The following WDTC1 variants were observed in gnomAD, a reference collection of about 807,000 sequenced individuals.
The protein encoded by WDTC1 is WD and tetratricopeptide repeats 1.
In WDTC1, 12 loss-of-function variants were observed where a neutral mutation model predicts 76.0. The ratio of observed to expected loss-of-function variants is 0.16; its 90% CI spans 0.10 to 0.26. The LOEUF (loss-of-function observed/expected upper bound fraction) is 0.26. Ranked by LOEUF, WDTC1 falls within the 10% of genes least tolerant of loss-of-function variation. WDTC1 has a pLI of 1.00. For synonymous variants in WDTC1, 326 were observed against 350.8 expected, an observed-to-expected ratio of 0.93 and a Z score of 0.79; for missense variants, 511 against 908.8, an observed-to-expected ratio of 0.56 and a Z score of 5.63.
chr1:27,305,996 C>T lies in WDTC1; in HGVS notation c.1837-190C>T, dbSNP rs2013944708. Among the ~76,000 whole-genome samples, 1 of 152,062 alleles carries T rather than the reference C, an allele frequency of 6.6e-6. No individual in the cohort carries two copies. The highest frequency in any genetic ancestry group is 6.6e-5 in the Admixed American group (1 of 15,266). Reference sequence around the variant, plus strand: ...GGCGTATCTCCCATATATATTCCAGCGTGAGCACCCCCAACAATATGTAGC... The same window carrying T: ...GGCGTATCTCCCATATATATTCCAGTGTGAGCACCCCCAACAATATGTAGC... On this transcript the variant is annotated intron_variant, in intron 15 of 15. Transcript: ENST00000319394. The surrounding 1 kb of genome is among the most constrained non-coding windows in gnomAD (Gnocchi z 4.6).
At chr1:27,275,703 C>G (rs551977588) in intron 3 of WDTC1, among the ~76,000 whole-genome samples, 6 of 152,094 alleles carry the variant, frequency 3.9e-5, no homozygotes, top group African/African-American at 1.4e-4. Flanking sequence ...TCCTTTAAAT[C>G]CAGATCAGCA....
At chr1:27,267,569 A>G (rs1029870237) in intron 3 of WDTC1, among the ~76,000 whole-genome samples, 27 of 152,108 alleles carry the variant, frequency 1.8e-4, no homozygotes, top group African/African-American at 6.5e-4. Flanking sequence ...TATTTTTCCC[A>G]GCTATGTAAT....
rs1241642947 is a variant in WDTC1, at chr1:27,292,360, G to A, written c.625G>A (p.Val209Met). Residue 209 changes from valine to methionine, a missense_variant, in exon 7 of 16, where the codon GTG becomes ATG. By Grantham distance (21) the Val-to-Met change is conservative. Coordinates refer to ENST00000319394, the MANE Select transcript of WDTC1 (RefSeq NM_001276252.2). ...CLAVGASGPF[V>M]RLYDIRMIHN... Reference sequence around the variant, plus strand: ...GGCAGTTGGGGCCAGCGGGCCCTTCGTGAGGCTCTATGACATCCGCATGAT... The same window carrying A: ...GGCAGTTGGGGCCAGCGGGCCCTTCATGAGGCTCTATGACATCCGCATGAT... 2 of 1,611,066 alleles carry A rather than the reference G, an allele frequency of 1.2e-6. No homozygotes were observed. Among genetic ancestry groups the A allele is most frequent in the African/African-American group, 1.3e-5 (1 of 74,798 alleles).
intron 1 of WDTC1, among the ~76,000 whole-genome samples, chr1:27,254,605 G>T (rs1272638931): frequency 6.6e-6 from 1 of 151,640 alleles, no homozygotes; most frequent in Non-Finnish European, 1.5e-5. Flanking sequence ...AAAAAAAAAA[G>T]AATGCTAAGT....
Position 27,303,554 on chromosome 1 carries a change from G to A in WDTC1, c.1469-67G>A, listed in dbSNP as rs1208028614. On this transcript the variant is annotated intron_variant, in intron 13 of 15. Coordinates refer to ENST00000319394, the MANE Select transcript of WDTC1 (RefSeq NM_001276252.2). The surrounding 1 kb of genome is among the most constrained non-coding windows in gnomAD (Gnocchi z 4.8). ...ACTTTGGACTGAAAACAGAGCCATA[G>A]GTGGGGGAAAATAGGGAAGGAGAGA... 6.6e-7 allele frequency: 1 copy of A among 1,515,002 alleles called. No individual in the cohort carries two copies. Among genetic ancestry groups the A allele is most frequent in the Non-Finnish European group, 8.8e-7 (1 of 1,137,154 alleles). 93.8% of individuals were successfully genotyped at this position (1,515,002 alleles called of 1,614,324 possible).
intron 12 of WDTC1, among the ~76,000 whole-genome samples, chr1:27,299,833 C>T (rs765781560): frequency 1.3e-5 from 2 of 152,066 alleles, no homozygotes; most frequent in African/African-American, 2.4e-5. Context: ...CTGCTCTCTA[C>T]CCCCATCCCC....
chr1:27,288,579 C>T (rs1025296834), intron 6 of WDTC1, among the ~76,000 whole-genome samples: 1 of 151,730 alleles, frequency 6.6e-6, no homozygotes, highest in Non-Finnish European at 1.5e-5. Flanking sequence ...CTTCAAGCAT[C>T]TGTTTAACAA....
At position 27,283,360 on chromosome 1, in the gene WDTC1, G is replaced by A; in HGVS notation, c.202G>A (p.Asp68Asn). The change falls in exon 5 of 16, where the codon GAC becomes AAC. Residue 68 changes from aspartate (D) to asparagine (N), a missense_variant. Coordinates refer to ENST00000319394, the MANE Select transcript of WDTC1 (RefSeq NM_001276252.2). ...KGDLLASGSD[D>N]QHTIVWDPLH... Reference sequence around the variant, plus strand: ...CAGCTTGCTGGCCTCTGGTTCCGATGACCAGCACACGATTGTGTGGGACCC... The same window carrying A: ...CAGCTTGCTGGCCTCTGGTTCCGATAACCAGCACACGATTGTGTGGGACCC... 1 of 1,613,742 alleles carries A rather than the reference G, an allele frequency of 6.2e-7. No individual in the cohort carries two copies. Among genetic ancestry groups the A allele is most frequent in the Non-Finnish European group, 8.5e-7 (1 of 1,180,012 alleles).
chr1:27,301,091 T>G lies in WDTC1; in HGVS notation c.1233-135T>G, dbSNP rs1420088159. 2.7e-6 allele frequency: 2 copies of G among 733,850 alleles called. No homozygotes were observed. The highest frequency in any genetic ancestry group is 2.3e-6 in the Non-Finnish European group (1 of 439,538). The allele number at this position is 733,850 out of a possible 1,614,324, so 45.5% of individuals were successfully genotyped here. The stretch of plus-strand genomic sequence containing the variant: ...GGCCTGGGCTGAGCCAGGATTCTCT[T>G]CGTCCTCAAGTCCCCTTGCCATGAG... On this transcript the variant is annotated intron_variant, in intron 12 of 15. Transcript: ENST00000319394. The surrounding 1 kb of genome is among the most constrained non-coding windows in gnomAD (Gnocchi z 5.8).
intron 14 of WDTC1, chr1:27,304,597 GA>G (rs1003923674): frequency 1.1e-4 from 17 of 156,678 alleles, no homozygotes; most frequent in East Asian, 1.9e-4. Flanking sequence ...CTGTCTCTAA[GA>G]AAAAAAAAGA....
chr1:27,293,171 G>A (rs1205627338), intron 7 of WDTC1, among the ~76,000 whole-genome samples: 16 of 151,494 alleles, frequency 1.1e-4, no homozygotes, highest in Non-Finnish European at 1.3e-4. Flanking sequence ...GGTGGCTCAC[G>A]CCTGTAATCC....
intron 1 of WDTC1, among the ~76,000 whole-genome samples, chr1:27,253,682 G>A (rs1195075778): frequency 6.6e-6 from 1 of 151,678 alleles, no homozygotes. Context: ...ACAGTGCCTG[G>A]CAAAATAGAC....
At chr1:27,285,888 CA>C (rs1326707168) in intron 5 of WDTC1, among the ~76,000 whole-genome samples, 1 of 151,666 alleles carries the variant, frequency 6.6e-6, no homozygotes, top group African/African-American at 2.4e-5. Flanking sequence ...GCGCCCAGCC[CA>C]GAACTGCATA....
intron 9 of WDTC1, 138 bp downstream of exon 9, chr1:27,294,767 T>G (rs1279682474): frequency 1.4e-6 from 1 of 698,362 alleles, no homozygotes; most frequent in Non-Finnish European, 2.4e-6. Flanking sequence ...AATGTGGGGG[T>G]GATGTGGCAT....
Position 27,292,477 on chromosome 1 carries a change from A to G in WDTC1, c.662+80A>G. 3 of 1,348,728 alleles carry G rather than the reference A, an allele frequency of 2.2e-6. No homozygotes were observed. The Admixed American group carries it at 7.6e-5, about 34-fold the overall frequency. The allele number at this position is 1,348,728 out of a possible 1,614,324, so 83.5% of individuals were successfully genotyped here. Reference sequence around the variant, plus strand: ...GCCCCTTTCCCTCACTGCCATTGCCATGCCCTCTTCTTCTATCACAGCTCA... The same window carrying G: ...GCCCCTTTCCCTCACTGCCATTGCCGTGCCCTCTTCTTCTATCACAGCTCA... On this transcript the variant is annotated intron_variant, in intron 7 of 15. Transcript: ENST00000319394.
At chr1:27,235,651 G>A (rs1307082819) in intron 1 of WDTC1, among the ~76,000 whole-genome samples, 1 of 152,000 alleles carries the variant, frequency 6.6e-6, no homozygotes, top group African/African-American at 2.4e-5. Flanking sequence ...GCAGTGGGAC[G>A]CCCCTTTGCC....
rs2012560469 is a variant in WDTC1, at chr1:27,263,701, T to C, written c.132+466T>C. ...CGCCCGCCTTGGACTCCCACTGGGATTACAGGCGTGAGCCACCGCGCCTGG... is the reference window on the plus strand; with the variant it reads ...CGCCCGCCTTGGACTCCCACTGGGACTACAGGCGTGAGCCACCGCGCCTGG... On this transcript the variant is annotated intron_variant, in intron 3 of 15. Transcript: ENST00000319394. 2.0e-5 allele frequency among the ~76,000 whole-genome samples: 3 copies of C among 152,298 alleles called. No homozygotes were observed. In the South Asian group the frequency reaches 6.2e-4, roughly 32 times the overall value.
rs971033631 is a variant in WDTC1, at chr1:27,305,559, G to A, written c.1836+366G>A. On this transcript the variant is annotated intron_variant, in intron 15 of 15. Transcript: ENST00000319394. The surrounding 1 kb of genome is among the most constrained non-coding windows in gnomAD (Gnocchi z 4.6). ...GCACCACCTTGAAAGGTTGTGGTGA[G>A]AAGTAAAGAAGAGATGCCTGTGAAG... is the stretch of plus-strand genomic sequence containing the variant. 2.0e-5 allele frequency among the ~76,000 whole-genome samples: 3 copies of A among 152,162 alleles called. No homozygotes were observed. The highest frequency in any genetic ancestry group is 4.4e-5 in the Non-Finnish European group (3 of 68,030).
rs912811966 is a variant in WDTC1 at position 27,266,567 on chromosome 1, C to T, written c.132+3332C>T. Reference sequence around the variant, plus strand: ...GTATAAGTCCATGGCACACAACAAACATTAGCTGCTATTATTGTTGTTATT... The same window carrying T: ...GTATAAGTCCATGGCACACAACAAATATTAGCTGCTATTATTGTTGTTATT... On this transcript the variant is annotated intron_variant, in intron 3 of 15. Transcript: ENST00000319394. Among the ~76,000 whole-genome samples, 9 of 152,314 alleles carry T rather than the reference C, an allele frequency of 5.9e-5. 1 individual carries two copies. The highest frequency in any genetic ancestry group is 2.2e-4 in the African/African-American group (9 of 41,572).
Sources: allele counts gnomAD v4.1 joint callset (sites outside exome capture counted in the v4.1 genomes callset), GRCh38; gene constraint gnomAD v4.1.1; non-coding constraint Gnocchi (gnomAD v3.1); transcripts MANE v1.5; gene names NCBI Gene and HGNC (gene_info 2026-07-23, HGNC 2026-07-21).